The following ACSS3 variants were observed in gnomAD, a reference collection of about 807,000 sequenced individuals.
ACSS3 encodes the protein acyl-CoA synthetase short chain family member 3, also known as acyl-CoA synthetase short-chain family member 3, mitochondrial.
Under a neutral mutation model 84.2 loss-of-function variants are expected in ACSS3, and 64 were observed. The observed-to-expected ratio is 0.76, with a 90% confidence interval of 0.62 to 0.94. The LOEUF (loss-of-function observed/expected upper bound fraction) is 0.94, where lower values mean the gene tolerates loss of function less well. ACSS3 is among the 40% of genes least tolerant of loss of function. The pLI is 0.00. For missense variants in ACSS3, 815 were observed against 867.6 expected, an observed-to-expected ratio of 0.94 and a Z score of 0.76; for synonymous variants, 317 against 310.1, an observed-to-expected ratio of 1.02 and a Z score of -0.23.
At position 81,255,093 on chromosome 12, in the gene ACSS3, C is replaced by T. The variant is rs116290027; in HGVS notation, c.*171C>T. The T allele has an allele frequency of 5.0e-6, 3 of 596,056 alleles. No individual in the cohort carries two copies. In the African/African-American group the frequency reaches 5.8e-5, roughly 11 times the overall value. 36.9% of individuals were successfully genotyped at this position (596,056 alleles called of 1,614,324 possible). On this transcript the variant is annotated 3_prime_UTR_variant, in exon 16 of 16. Coordinates refer to ENST00000548058, the MANE Select transcript of ACSS3 (RefSeq NM_024560.4). ...ATGAAAACATGTGAAAGACCTGTGC[C>T]TTTTTTTTGGTTTGACCCTGTTAGC...
At chr12:81,254,309 C>CAT (rs1345783581) in intron 15 of ACSS3, among the ~76,000 whole-genome samples, 1 of 152,090 alleles carries the variant, frequency 6.6e-6, no homozygotes, top group African/African-American at 2.4e-5. Flanking sequence ...TTAAAAGGTA[C>CAT]ATTTTCCTTA....
chr12:81,118,155 A>G (rs1311853889), intron 2 of ACSS3: 1 of 152,190 alleles, frequency 6.6e-6, no homozygotes, highest in East Asian at 1.9e-4. Flanking sequence ...TTTACTTAAT[A>G]ACTGATACAC....
Position 81,257,545 on chromosome 12 carries a change from A to G in ACSS3, c.*2623A>G, listed in dbSNP as rs1418100038. ...TCATAGGATTTCTTACTGTTAAGTT[A>G]TTGGAAAATGAAAATATAAAGTGCT... On this transcript the variant is annotated 3_prime_UTR_variant, in exon 16 of 16. Transcript: ENST00000548058. The G allele has an allele frequency of 2.0e-5, 3 of 152,148 alleles. No individual in the cohort carries two copies. The highest frequency in any genetic ancestry group is 4.4e-5 in the Non-Finnish European group (3 of 68,008). The allele number at this position is 152,148 out of a possible 1,614,324, so 9.4% of individuals were successfully genotyped here.
chr12:81,115,718 A>C (rs1883984456), intron 2 of ACSS3, among the ~76,000 whole-genome samples: 1 of 152,216 alleles, frequency 6.6e-6, no homozygotes, highest in Non-Finnish European at 1.5e-5. Flanking sequence ...ACAATTAAAG[A>C]GAAGACCTTA....
At chr12:81,217,396 A>G (rs1379567704) in intron 10 of ACSS3, among the ~76,000 whole-genome samples, 1 of 152,162 alleles carries the variant, frequency 6.6e-6, no homozygotes, top group Non-Finnish European at 1.5e-5. Context: ...TTTTCTTGAG[A>G]TAACACTGCT....
intron 2 of ACSS3, among the ~76,000 whole-genome samples, chr12:81,114,350 T>C (rs1218083846): frequency 6.6e-6 from 1 of 152,142 alleles, no homozygotes; most frequent in Non-Finnish European, 1.5e-5. Flanking sequence ...CCATGTCCCA[T>C]GAGAATTCTT....
chr12:81,087,653 A>G (rs1315420027), intron 1 of ACSS3, among the ~76,000 whole-genome samples: 3 of 152,108 alleles, frequency 2.0e-5, no homozygotes, highest in South Asian at 2.1e-4. Context: ...CATTCTCTCC[A>G]TACATTTTTT....
At chr12:81,216,086 C>T (rs971882042) in intron 9 of ACSS3, among the ~76,000 whole-genome samples, 4 of 151,708 alleles carry the variant, frequency 2.6e-5, no homozygotes, top group Non-Finnish European at 5.9e-5. Flanking sequence ...GCAAGTGTAG[C>T]TCTTAGGAAA....
intron 7 of ACSS3, among the ~76,000 whole-genome samples, chr12:81,159,078 G>A (rs1362600762): frequency 6.6e-6 from 1 of 152,130 alleles, no homozygotes; most frequent in Admixed American, 6.5e-5. Flanking sequence ...CAATGAGTAA[G>A]AGTAATTTAA....
At chr12:81,096,443 C>A (rs910747396) in intron 1 of ACSS3, among the ~76,000 whole-genome samples, 1 of 152,238 alleles carries the variant, frequency 6.6e-6, no homozygotes. Flanking sequence ...TACTTAAAAG[C>A]GGACATGCAC....
intron 8 of ACSS3, among the ~76,000 whole-genome samples, chr12:81,182,464 T>G (rs901117498): frequency 3.9e-5 from 6 of 152,166 alleles, no homozygotes; most frequent in South Asian, 2.1e-4. Context: ...AAAACTTTCT[T>G]CTAGAGGTAA....
Position 81,257,646 on chromosome 12 carries a change from C to T in ACSS3, c.*2724C>T, listed in dbSNP as rs926442893. 12 of 152,046 alleles carry T rather than the reference C, an allele frequency of 7.9e-5. No individual in the cohort carries two copies. The highest frequency in any genetic ancestry group is 3.5e-3 in the Middle Eastern group (1 of 284). The allele number at this position is 152,046 out of a possible 1,614,324, so 9.4% of individuals were successfully genotyped here. On this transcript the variant is annotated 3_prime_UTR_variant, in exon 16 of 16. Coordinates refer to ENST00000548058, the MANE Select transcript of ACSS3 (RefSeq NM_024560.4). ...ATATATTAAACATATTTAAATGAGA[C>T]CTATCCTACATTTAAAAACCAGTTT...
chr12:81,164,988 A>G (rs1887331427), intron 7 of ACSS3, among the ~76,000 whole-genome samples: 1 of 152,154 alleles, frequency 6.6e-6, no homozygotes, highest in Non-Finnish European at 1.5e-5. Context: ...GTATATAGCA[A>G]TCTGCCTTCT....
intron 1 of ACSS3, among the ~76,000 whole-genome samples, chr12:81,089,236 G>C (rs896209416): frequency 6.6e-6 from 1 of 151,858 alleles, no homozygotes; most frequent in African/African-American, 2.4e-5. Context: ...TATATGTTAA[G>C]TTGTTGGTTT....
intron 8 of ACSS3, among the ~76,000 whole-genome samples, chr12:81,184,794 A>C (rs2031158835): frequency 6.6e-6 from 1 of 151,764 alleles, no homozygotes; most frequent in Admixed American, 6.6e-5. Context: ...TTAGAGCTGA[A>C]TTTTACCAAA....
intron 8 of ACSS3, among the ~76,000 whole-genome samples, chr12:81,181,768 A>AAAAAG (rs1555178623): frequency 3.5e-5 from 5 of 143,610 alleles, no homozygotes; most frequent in Admixed American, 7.1e-5. Context: ...AAAAAAAAAA[A>AAAAAG]GCAATAGAGA....
intron 13 of ACSS3, among the ~76,000 whole-genome samples, chr12:81,249,093 T>C (rs1348977010): frequency 6.6e-6 from 1 of 151,994 alleles, no homozygotes; most frequent in Admixed American, 6.6e-5. Context: ...CAAGTCTATT[T>C]TTAAAGTGTT....
chr12:81,128,383 A>ATTGT (rs1885256125), intron 2 of ACSS3, among the ~76,000 whole-genome samples: 1 of 152,198 alleles, frequency 6.6e-6, no homozygotes, highest in Non-Finnish European at 1.5e-5. Context: ...AGAGTCACAC[A>ATTGT]TTGTTATATC....
chr12:81,102,801 C>T (rs112881404), intron 1 of ACSS3, among the ~76,000 whole-genome samples: 1,560 of 151,532 alleles, frequency 0.01, 31 homozygotes, highest in African/African-American at 0.035. Context: ...TGCACTCCAG[C>T]CTGGCAACAG....
Sources: allele counts gnomAD v4.1 joint callset (sites outside exome capture counted in the v4.1 genomes callset), GRCh38; gene constraint gnomAD v4.1.1; transcripts MANE v1.5; gene names NCBI Gene and HGNC (gene_info 2026-07-23, HGNC 2026-07-21).